CCN6: variants seen among roughly 807,000 people sequenced by gnomAD.
CCN6 encodes the protein cellular communication network factor 6, also known as CCN family member 6.
Under a neutral mutation model 37.4 loss-of-function variants are expected in CCN6, and 31 were observed. The observed-to-expected ratio is 0.83, with a 90% CI of 0.62 to 1.12. CCN6 has a LOEUF of 1.12. Among genes scored for constraint, CCN6 ranks in the 50% most tolerant of loss-of-function variants. CCN6 has a pLI of 0.00. For missense variants in CCN6, 369 were observed against 413.8 expected (o/e 0.89, Z 0.94); for synonymous variants, 137 against 142.1 (o/e 0.96, Z 0.26).
chr6:112,056,745 C>T (rs149132153), intron 1 of CCN6, among the ~76,000 whole-genome samples: 3 of 152,184 alleles, frequency 2.0e-5, no homozygotes, highest in East Asian at 3.9e-4. Context: ...TTGAACTCCC[C>T]GCCTCAAGTG....
chr6:112,067,033 G>A (rs1273874482), intron 3 of CCN6: 1 of 1,366,094 alleles, frequency 7.3e-7, no homozygotes, highest in Admixed American at 1.9e-5. Flanking sequence ...TACCTTCCAG[G>A]TATCTTCACG....
In CCN6 at chr6:112,066,266, A is replaced by AT. The variant is rs782100730; in HGVS notation, c.589+1280dup. ...CTCTGAAATTATAAGCCATGTCCTT[A>AT]TTTTTTTTTTTCAAAATGTACAGAA... On this transcript the variant is annotated intron_variant, in intron 3 of 4. Transcript: ENST00000368666. 5.8e-3 allele frequency among the ~76,000 whole-genome samples: 852 copies of AT among 147,360 alleles called. 3 individuals are homozygous for AT. The highest frequency in any genetic ancestry group is 9.0e-3 in the African/African-American group (363 of 40,256).
chr6:112,064,021 C>T (rs782470464), intron 2 of CCN6, among the ~76,000 whole-genome samples: 14 of 152,280 alleles, frequency 9.2e-5, no homozygotes, highest in Non-Finnish European at 1.9e-4. Flanking sequence ...ACTTCCCCCA[C>T]CCCTTTTAAA....
Position 112,065,013 on chromosome 6 carries a change from G to A in CCN6, c.589+16G>A. 1 of 1,613,822 alleles carries A rather than the reference G, an allele frequency of 6.2e-7. No homozygotes were observed. Among genetic ancestry groups the A allele is most frequent in the Non-Finnish European group, 8.5e-7 (1 of 1,179,876 alleles). ...ACAATGCCAGGTGCTCAGAAGTAGA[G>A]CTATTTTTCACGTATGACCTTGGTG... is the stretch of plus-strand genomic sequence containing the variant. On this transcript the variant is annotated intron_variant, in intron 3 of 4. Transcript: ENST00000368666.
In CCN6 at chr6:112,061,185, A is replaced by G. The variant is rs782468855; in HGVS notation, c.243A>G (p.Gln81=). 6.2e-7 allele frequency: 1 copy of G among 1,614,214 alleles called. No homozygotes were observed. The highest frequency in any genetic ancestry group is 8.5e-7 in the Non-Finnish European group (1 of 1,180,028). Residue 81 remains glutamine (Q), a synonymous_variant, in exon 2 of 5, where the codon CAA becomes CAG. Coordinates refer to ENST00000368666, the MANE Select transcript of CCN6 (RefSeq NM_198239.2). ...GATGCTGTAAAATCTGTGCCAAGCA[A>G]CCAGGGGAAATCTGCAATGAAGCTG... is the stretch of plus-strand genomic sequence containing the variant. The part of the protein sequence containing the change: ...GCGCCKICAK[Q]PGEICNEADL...
Position 112,054,336 on chromosome 6 carries a change from G to A in CCN6, c.-22G>A. On this transcript the variant is annotated 5_prime_UTR_variant, in exon 1 of 5. It adds an upstream start codon to the 5' untranslated region. Coordinates refer to ENST00000368666, the MANE Select transcript of CCN6 (RefSeq NM_198239.2). ...AGCGGCGACTTCTCTACCCCTCAGG[G>A]TGGCTCCACGGTCCCAGCGACATGC... 1 of 1,613,882 alleles carries A rather than the reference G, an allele frequency of 6.2e-7. No individual in the cohort carries two copies.
chr6:112,054,352 A>T lies in CCN6; in HGVS notation c.-6A>T, dbSNP rs1776281095. 6.2e-7 allele frequency: 1 copy of T among 1,613,922 alleles called. No homozygotes were observed. The highest frequency in any genetic ancestry group is 2.2e-5 in the East Asian group (1 of 44,820). ...CCCCTCAGGGTGGCTCCACGGTCCC[A>T]GCGACATGCAGGGGCTCCTCTTCTC... On this transcript the variant is annotated 5_prime_UTR_variant, in exon 1 of 5. Coordinates refer to ENST00000368666, the MANE Select transcript of CCN6 (RefSeq NM_198239.2).
chr6:112,068,334 T>C lies in CCN6; in HGVS notation c.719T>C (p.Met240Thr). Residue 240 changes from methionine (M) to threonine (T), a missense_variant, in exon 4 of 5, where the codon ATG (methionine) becomes ACG (threonine). Coordinates refer to ENST00000368666, the MANE Select transcript of CCN6 (RefSeq NM_198239.2). ...RVTNENSNCE[M>T]RKEKRLCYIQ... ...ACCAATGAAAACAGCAACTGTGAAA[T>C]GAGAAAAGAGAAAAGACTGTGTTAC... is the stretch of plus-strand genomic sequence containing the variant. The C allele has an allele frequency of 1.2e-6, 2 of 1,613,066 alleles. No individual in the cohort carries two copies. Among genetic ancestry groups the C allele is most frequent in the Non-Finnish European group, 1.7e-6 (2 of 1,179,462 alleles).
rs147844113 is a variant in CCN6 at position 112,066,446 on chromosome 6, T to C, written c.589+1449T>C. On this transcript the variant is annotated intron_variant, in intron 3 of 4. Coordinates refer to ENST00000368666, the MANE Select transcript of CCN6 (RefSeq NM_198239.2). ...GGTCTCATTTTAGAAGTTAGAGCAG[T>C]TCAGTGGATTCACTTTGACCTTGGT... 4.7e-3 allele frequency among the ~76,000 whole-genome samples: 712 copies of C among 152,290 alleles called. 6 individuals carry two copies. Among genetic ancestry groups the C allele is most frequent in the African/African-American group, 0.016 (671 of 41,564 alleles).
intron 1 of CCN6, among the ~76,000 whole-genome samples, chr6:112,058,332 C>T (rs1441617230): frequency 6.6e-6 from 1 of 152,166 alleles, no homozygotes; most frequent in Non-Finnish European, 1.5e-5. Flanking sequence ...ACAGATACTT[C>T]TAAATGTAGA....
chr6:112,061,436 G>T (rs587650241), intron 2 of CCN6, 148 bp downstream of exon 2: 1 of 941,286 alleles, frequency 1.1e-6, no homozygotes, highest in African/African-American at 1.6e-5. Flanking sequence ...TGGCTCCATT[G>T]TATTGGATAC....
chr6:112,054,063 T>G (rs781788956), upstream of CCN6: 35 of 585,512 alleles, frequency 6.0e-5, no homozygotes, highest in Non-Finnish European at 9.3e-5. Context: ...CAGTCACTAC[T>G]TGCCCTGCCC....
At chr6:112,055,501 A>G (rs782382190) in intron 1 of CCN6, among the ~76,000 whole-genome samples, 7 of 152,244 alleles carry the variant, frequency 4.6e-5, no homozygotes, top group Non-Finnish European at 7.3e-5. Context: ...GCTTTTATGA[A>G]TTCATAAATT....
At chr6:112,065,632 A>G (rs1462718953) in intron 3 of CCN6, among the ~76,000 whole-genome samples, 7 of 146,642 alleles carry the variant, frequency 4.8e-5, no homozygotes, top group Non-Finnish European at 9.3e-5. Context: ...GCACGCACAC[A>G]CACACACACA....
intron 1 of CCN6, among the ~76,000 whole-genome samples, chr6:112,055,214 A>G (rs916341229): frequency 6.6e-6 from 1 of 152,224 alleles, no homozygotes; most frequent in Non-Finnish European, 1.5e-5. Flanking sequence ...TTGTTATACC[A>G]TATAGAGAGA....
At chr6:112,066,188 G>C (rs1396936926) in intron 3 of CCN6, among the ~76,000 whole-genome samples, 1 of 151,978 alleles carries the variant, frequency 6.6e-6, no homozygotes, top group African/African-American at 2.4e-5. Context: ...TTGTGAATTT[G>C]CATTTACTAT....
chr6:112,069,213 A>G, intron 4 of CCN6, 126 bp from the exon 5 acceptor site: 2 of 1,089,940 alleles, frequency 1.8e-6, no homozygotes, highest in Non-Finnish European at 2.6e-6. Flanking sequence ...AGTGCTGGAA[A>G]TCACTACATA....
chr6:112,065,628 A>ACACACACG (rs1554313841), intron 3 of CCN6, among the ~76,000 whole-genome samples: 225 of 139,322 alleles, frequency 1.6e-3, no homozygotes, highest in African/African-American at 5.5e-3. Context: ...ACACGCACGC[A>ACACACACG]CACACACACA....
intron 1 of CCN6, among the ~76,000 whole-genome samples, chr6:112,058,565 C>T (rs1235330287): frequency 1.3e-5 from 2 of 152,086 alleles, no homozygotes; most frequent in Admixed American, 1.3e-4. Flanking sequence ...AAAATGTGTG[C>T]AAGGCAGGGA....
Sources: allele counts gnomAD v4.1 joint callset (sites outside exome capture counted in the v4.1 genomes callset), GRCh38; gene constraint gnomAD v4.1.1; transcripts MANE v1.5; gene names NCBI Gene and HGNC (gene_info 2026-07-23, HGNC 2026-07-21).